The following IL1RAPL1 variants were observed in gnomAD, a reference collection of about 807,000 sequenced individuals.
IL1RAPL1 encodes the protein interleukin-1 receptor accessory protein-like 1.
IL1RAPL1 carries 3 observed loss-of-function variants against 48.4 expected under a neutral mutation model. The observed-to-expected ratio is 0.06, with a 90% CI of 0.03 to 0.16. IL1RAPL1 has a LOEUF of 0.16. Ranked by LOEUF, IL1RAPL1 falls within the 10% of genes least tolerant of loss-of-function variation. The probability of loss-of-function intolerance (pLI) is 1.00; values close to 1 mark genes in which losing one functional copy is unlikely to be tolerated. For missense variants in IL1RAPL1, 349 were observed against 530.6 expected (o/e 0.66, Z 3.36); for synonymous variants, 185 against 187.7 (o/e 0.99, Z 0.12).
At chrX:29,520,259 C>T (rs1425249985) in intron 5 of IL1RAPL1, among the ~76,000 whole-genome samples, 1 of 111,795 alleles carries the variant, frequency 8.9e-6, no homozygotes, top group Non-Finnish European at 1.9e-5. Context: ...CCTTACGTTC[C>T]CAGAAACAAG....
intron 2 of IL1RAPL1, among the ~76,000 whole-genome samples, chrX:29,186,961 G>A (rs1462000718): frequency 9.1e-6 from 1 of 110,359 alleles, no homozygotes; most frequent in African/African-American, 3.3e-5. Flanking sequence ...CCACACACTC[G>A]AGCCTGTTGG....
intron 2 of IL1RAPL1, among the ~76,000 whole-genome samples, chrX:28,856,009 G>T (rs561998445): frequency 8.9e-6 from 1 of 111,786 alleles, no homozygotes; most frequent in Non-Finnish European, 1.9e-5. Flanking sequence ...TCTCCAAGTG[G>T]TCATATAAAT....
intron 2 of IL1RAPL1, among the ~76,000 whole-genome samples, chrX:29,229,032 G>T (rs1241617018): frequency 8.9e-6 from 1 of 111,736 alleles, no homozygotes; most frequent in Non-Finnish European, 1.9e-5. Context: ...GTTTCTAAAG[G>T]CCCATCCAAG....
chrX:28,639,096 T>C lies in IL1RAPL1; in HGVS notation c.-25+51049T>C, dbSNP rs188320744. ...TTCCTTTGAAGCATGAGCACAAAGA[T>C]TGAAAGATACATAAAACACTTTAAC... On this transcript the variant is annotated intron_variant, in intron 1 of 10. Coordinates refer to ENST00000378993, the MANE Select transcript of IL1RAPL1 (RefSeq NM_014271.4). 3.4e-3 allele frequency among the ~76,000 whole-genome samples: 380 copies of C among 111,940 alleles called. 3 individuals carry two copies. Among genetic ancestry groups the C allele is most frequent in the African/African-American group, 0.012 (356 of 30,854 alleles).
intron 1 of IL1RAPL1, among the ~76,000 whole-genome samples, chrX:28,668,032 T>C (rs1934901277): frequency 8.9e-6 from 1 of 111,884 alleles, no homozygotes; most frequent in Non-Finnish European, 1.9e-5. Flanking sequence ...CCTTAGAATT[T>C]CTATGTAGCA....
At chrX:28,653,005 C>T (rs1454185) in intron 1 of IL1RAPL1, among the ~76,000 whole-genome samples, 4 of 111,441 alleles carry the variant, frequency 3.6e-5, no homozygotes, top group South Asian at 3.8e-4. Context: ...AAAGAAGACA[C>T]GCGCAGGTAG....
intron 2 of IL1RAPL1, among the ~76,000 whole-genome samples, chrX:29,172,520 G>A (rs1278963119): frequency 1.8e-5 from 2 of 111,408 alleles, no homozygotes; most frequent in Non-Finnish European, 3.8e-5. Flanking sequence ...CTATTGTCTT[G>A]GTGTAGCTTG....
At chrX:29,026,547 T>C (rs1382105485) in intron 2 of IL1RAPL1, among the ~76,000 whole-genome samples, 1 of 111,491 alleles carries the variant, frequency 9.0e-6, no homozygotes, top group East Asian at 2.8e-4. Flanking sequence ...ATCTACACAT[T>C]CTGCACTTGT....
chrX:29,878,193 A>C (rs772833777), intron 6 of IL1RAPL1, among the ~76,000 whole-genome samples: 4 of 111,413 alleles, frequency 3.6e-5, no homozygotes. Context: ...GGTCTCAGGG[A>C]TGCCCTGTCT....
Position 29,003,828 on chromosome X carries a change from TTA to T in IL1RAPL1, c.82+214404_82+214405del, listed in dbSNP as rs757049653. On this transcript the variant is annotated intron_variant, in intron 2 of 10. Coordinates refer to ENST00000378993, the MANE Select transcript of IL1RAPL1 (RefSeq NM_014271.4). Reference sequence around the variant, plus strand: ...AAACTGTATACTGTGAAATAAGAATTTACGTTATGTATATAAGAAATAGTTGA... The same window carrying T: ...AAACTGTATACTGTGAAATAAGAATTCGTTATGTATATAAGAAATAGTTGA... Among the ~76,000 whole-genome samples, 12 of 112,166 alleles carry T rather than the reference TTA, an allele frequency of 1.1e-4. No individual in the cohort carries two copies. In the South Asian group the frequency reaches 4.4e-3, roughly 41 times the overall value.
intron 2 of IL1RAPL1, among the ~76,000 whole-genome samples, chrX:28,850,458 A>G (rs1041044940): frequency 3.6e-5 from 4 of 110,818 alleles, no homozygotes; most frequent in African/African-American, 1.3e-4. Flanking sequence ...TGGGAACTCC[A>G]CTGATGGCAA....
At chrX:28,711,311 G>C (rs963295806) in intron 1 of IL1RAPL1, among the ~76,000 whole-genome samples, 1 of 111,903 alleles carries the variant, frequency 8.9e-6, no homozygotes, top group African/African-American at 3.2e-5. Flanking sequence ...TTTGGCATAA[G>C]TGGAAAGATG....
At chrX:28,871,038 T>C (rs772699088) in intron 2 of IL1RAPL1, among the ~76,000 whole-genome samples, 17 of 111,768 alleles carry the variant, frequency 1.5e-4, no homozygotes, top group African/African-American at 5.2e-4. Context: ...AATATTAATT[T>C]GTGGCTTAAT....
intron 6 of IL1RAPL1, among the ~76,000 whole-genome samples, chrX:29,816,681 T>C (rs1930499928): frequency 9.1e-6 from 1 of 109,841 alleles, no homozygotes; most frequent in Non-Finnish European, 1.9e-5. Flanking sequence ...TCCAAGAAAA[T>C]ACAAGCAAAC....
At chrX:29,266,947 A>C (rs1470774762) in intron 2 of IL1RAPL1, among the ~76,000 whole-genome samples, 1 of 111,752 alleles carries the variant, frequency 8.9e-6, no homozygotes, top group Non-Finnish European at 1.9e-5. Context: ...ACTTGCCTGC[A>C]TAGGACTTGG....
intron 6 of IL1RAPL1, among the ~76,000 whole-genome samples, chrX:29,802,827 A>G (rs760461784): frequency 3.7e-4 from 25 of 68,131 alleles, no homozygotes; most frequent in African/African-American, 1.5e-3. Flanking sequence ...ATATATATGT[A>G]TACATATATG....
chrX:28,601,408 G>C (rs1187144551), intron 1 of IL1RAPL1, among the ~76,000 whole-genome samples: 6 of 111,585 alleles, frequency 5.4e-5, no homozygotes, highest in Non-Finnish European at 1.1e-4. Context: ...CTGAGTGACA[G>C]AGCAAGACTC....
At chrX:29,182,484 G>T (rs900401938) in intron 2 of IL1RAPL1, among the ~76,000 whole-genome samples, 3 of 110,822 alleles carry the variant, frequency 2.7e-5, no homozygotes, top group Non-Finnish European at 5.7e-5. Flanking sequence ...GCACATAGTT[G>T]AATTGCTAGA....
chrX:29,356,550 G>A (rs191537875), intron 3 of IL1RAPL1, among the ~76,000 whole-genome samples: 1,008 of 81,140 alleles, frequency 0.012, 16 homozygotes, highest in African/African-American at 0.042. Flanking sequence ...ACACACGTGC[G>A]TATGTATGTG....
Sources: allele counts gnomAD v4.1 joint callset (sites outside exome capture counted in the v4.1 genomes callset), GRCh38; gene constraint gnomAD v4.1.1; transcripts MANE v1.5; gene names NCBI Gene and HGNC (gene_info 2026-07-23, HGNC 2026-07-21).